FBXW7: variants seen among roughly 807,000 people sequenced by gnomAD.
FBXW7 encodes F-box and WD repeat domain containing 7.
FBXW7 carries 11 observed loss-of-function variants against 86.3 expected under a neutral mutation model. That is an observed-to-expected ratio of 0.13 (90% CI 0.08 to 0.21). The LOEUF is 0.21. Ranked by LOEUF, FBXW7 falls within the 10% of genes least tolerant of loss-of-function variation. The probability of loss-of-function intolerance (pLI) is 1.00; values close to 1 mark genes in which losing one functional copy is unlikely to be tolerated. For missense variants in FBXW7, 488 were observed against 847.4 expected (o/e 0.58, Z 5.27); for synonymous variants, 313 against 297.9 (o/e 1.05, Z -0.52).
intron 4 of FBXW7, 153 bp downstream of exon 4, chr4:152,411,150 C>T: frequency 4.3e-6 from 5 of 1,159,824 alleles, no homozygotes; most frequent in Non-Finnish European, 3.4e-6. Context: ...TAATACTTTC[C>T]ATTACCTTCT....
At chr4:152,390,918 T>C (rs2126808335) in intron 4 of FBXW7, among the ~76,000 whole-genome samples, 1 of 152,128 alleles carries the variant, frequency 6.6e-6, no homozygotes, top group Middle Eastern at 3.4e-3. Flanking sequence ...AAATTGACAG[T>C]TTGACAAATT....
intron 2 of FBXW7, among the ~76,000 whole-genome samples, chr4:152,525,466 T>TC (rs1268645729): frequency 1.3e-5 from 2 of 152,040 alleles, no homozygotes; most frequent in Non-Finnish European, 2.9e-5. Flanking sequence ...CCTCCAACCC[T>TC]CCCCCTCAAG....
At chr4:152,350,870 G>C (rs1398755679) in intron 4 of FBXW7, among the ~76,000 whole-genome samples, 3 of 151,822 alleles carry the variant, frequency 2.0e-5, no homozygotes, top group African/African-American at 7.2e-5. Context: ...CTTCTATAAG[G>C]TGTATCCAAA....
intron 9 of FBXW7, 46 bp downstream of exon 9, chr4:152,330,686 T>C (rs760978122): frequency 4.4e-6 from 7 of 1,590,664 alleles, no homozygotes; most frequent in South Asian, 2.3e-5. Flanking sequence ...CACTAGGTAC[T>C]AACACTGATT....
chr4:152,433,720 T>C (rs1335704395), intron 2 of FBXW7, among the ~76,000 whole-genome samples: 1 of 152,214 alleles, frequency 6.6e-6, no homozygotes, highest in Non-Finnish European at 1.5e-5. Flanking sequence ...TCCAGTAGTC[T>C]TCAGTCTTGA....
intron 2 of FBXW7, among the ~76,000 whole-genome samples, chr4:152,446,390 T>C (rs567120516): frequency 9.4e-5 from 13 of 138,030 alleles, no homozygotes; most frequent in South Asian, 2.3e-4. Context: ...AGAAACTTCA[T>C]CCTTCTTCCT....
chr4:152,460,553 A>G (rs1012119756), intron 2 of FBXW7, among the ~76,000 whole-genome samples: 5 of 152,106 alleles, frequency 3.3e-5, no homozygotes, highest in African/African-American at 1.2e-4. Flanking sequence ...CTGAACATGT[A>G]TTTATTTTAC....
intron 2 of FBXW7, among the ~76,000 whole-genome samples, chr4:152,488,291 T>A (rs1006926328): frequency 1.3e-5 from 2 of 152,084 alleles, no homozygotes; most frequent in African/African-American, 4.8e-5. Flanking sequence ...TTCTTCATCA[T>A]GTTCCTTAAA....
chr4:152,432,161 C>A (rs1047476512), intron 2 of FBXW7, among the ~76,000 whole-genome samples: 2 of 152,134 alleles, frequency 1.3e-5, no homozygotes, highest in African/African-American at 4.8e-5. Flanking sequence ...GAATGTTTCA[C>A]CGTGAACTAT....
In FBXW7 at chr4:152,411,294, T is replaced by C. The variant is rs755532102; in HGVS notation, c.501+9A>G. Reference sequence around the variant, plus strand: ...TTTCTCAGGTTAACAATATATTGAATATACTCACTTTTGTTGTTTTTGTAT... The same window carrying C: ...TTTCTCAGGTTAACAATATATTGAACATACTCACTTTTGTTGTTTTTGTAT... On this transcript the variant is annotated intron_variant, in intron 4 of 13. Coordinates refer to ENST00000281708, the MANE Select transcript of FBXW7 (RefSeq NM_001349798.2). 1 of 1,579,200 alleles carries C rather than the reference T, an allele frequency of 6.3e-7. No individual in the cohort carries two copies. Among genetic ancestry groups the C allele is most frequent in the South Asian group, 1.2e-5 (1 of 85,874 alleles).
At chr4:152,374,427 A>C (rs1040372532) in intron 4 of FBXW7, among the ~76,000 whole-genome samples, 1 of 152,196 alleles carries the variant, frequency 6.6e-6, no homozygotes, top group Admixed American at 6.6e-5. Context: ...GAGTTTCGTT[A>C]AATTTAGAAA....
chr4:152,425,619 T>C (rs1739312189), intron 2 of FBXW7, among the ~76,000 whole-genome samples: 1 of 146,972 alleles, frequency 6.8e-6, no homozygotes, highest in Non-Finnish European at 1.5e-5. Flanking sequence ...GTTAGACAGA[T>C]AAATATAACC....
At chr4:152,534,393 C>G (rs1375897464) in intron 2 of FBXW7, among the ~76,000 whole-genome samples, 1 of 152,156 alleles carries the variant, frequency 6.6e-6, no homozygotes, top group East Asian at 1.9e-4. Context: ...GTTACAGTGT[C>G]CTCCTGACAC....
chr4:152,432,387 C>G (rs966832062), intron 2 of FBXW7, among the ~76,000 whole-genome samples: 2 of 152,190 alleles, frequency 1.3e-5, no homozygotes, highest in South Asian at 2.1e-4. Flanking sequence ...GAGTTACAGA[C>G]AGAGATGTTT....
intron 2 of FBXW7, among the ~76,000 whole-genome samples, chr4:152,432,761 G>A (rs907920517): frequency 1.3e-5 from 2 of 152,146 alleles, no homozygotes; most frequent in Non-Finnish European, 2.9e-5. Context: ...GCAGTGAGAC[G>A]AGATCGCGAC....
intron 12 of FBXW7, 112 bp from the exon 13 acceptor site, chr4:152,324,506 A>G: frequency 2.4e-6 from 2 of 816,586 alleles, no homozygotes; most frequent in Non-Finnish European, 2.0e-6. Flanking sequence ...TAATGCCAGG[A>G]ACAAAATGAG....
intron 4 of FBXW7, among the ~76,000 whole-genome samples, chr4:152,404,011 G>A (rs531985379): frequency 2.6e-5 from 4 of 152,276 alleles, no homozygotes; most frequent in South Asian, 4.1e-4. Flanking sequence ...TTCTAATAAC[G>A]TGTTAAGTTG....
At chr4:152,464,303 C>G (rs1160699713) in intron 2 of FBXW7, among the ~76,000 whole-genome samples, 1 of 152,016 alleles carries the variant, frequency 6.6e-6, no homozygotes, top group African/African-American at 2.4e-5. Flanking sequence ...GAGAACCCAG[C>G]ATGGAGCATT....
At chr4:152,345,055 T>C (rs1370592233) in intron 6 of FBXW7, among the ~76,000 whole-genome samples, 3 of 152,184 alleles carry the variant, frequency 2.0e-5, no homozygotes, top group Non-Finnish European at 2.9e-5. Flanking sequence ...CATGCATGTG[T>C]TAGCATGGCA....
Sources: gnomAD v4.1 joint callset for allele counts (sites outside exome capture counted in the v4.1 genomes callset) on GRCh38, gnomAD v4.1.1 for gene constraint, MANE v1.5 for transcripts, NCBI Gene and HGNC (gene_info 2026-07-23, HGNC 2026-07-21) for gene names.